Variants in CPED1 observed in about 807,000 individuals in gnomAD.
The protein encoded by CPED1 is cadherin like and PC-esterase domain containing 1, also known as cadherin-like and PC-esterase domain-containing protein 1.
In CPED1, 114 loss-of-function variants were observed where a neutral mutation model predicts 128.2. The ratio of observed to expected loss-of-function variants is 0.89; its 90% CI spans 0.76 to 1.04. The LOEUF is 1.04. CPED1 is among the 50% of genes least tolerant of loss of function. CPED1 has a pLI of 0.00. For synonymous variants in CPED1, 462 were observed against 426.7 expected, an observed-to-expected ratio of 1.08 and a Z score of -1.02; for missense variants, 1,211 against 1,207.1, an observed-to-expected ratio of 1.00 and a Z score of -0.05.
chr7:120,997,117 A>C (rs1796419654), intron 2 of CPED1, among the ~76,000 whole-genome samples: 1 of 152,236 alleles, frequency 6.6e-6, no homozygotes, highest in Non-Finnish European at 1.5e-5. Flanking sequence ...AGAAATCTTC[A>C]TGATCATTCT....
chr7:121,058,485 C>T (rs1793561006), intron 4 of CPED1, among the ~76,000 whole-genome samples: 1 of 152,178 alleles, frequency 6.6e-6, no homozygotes, highest in Admixed American at 6.5e-5. Context: ...CATCTCCTTA[C>T]TGCTTGCCAG....
intron 8 of CPED1, among the ~76,000 whole-genome samples, chr7:121,125,221 T>C (rs1456605812): frequency 6.6e-6 from 1 of 152,306 alleles, no homozygotes; most frequent in East Asian, 1.9e-4. Context: ...AATTAGTAGA[T>C]ATATTGAAAA....
chr7:121,293,837 C>G (rs1444910234), intron 22 of CPED1, among the ~76,000 whole-genome samples: 1 of 151,956 alleles, frequency 6.6e-6, no homozygotes, highest in African/African-American at 2.4e-5. Context: ...TGGGCTGCAC[C>G]CACTGTCTAA....
chr7:121,023,419 G>A (rs895791472), intron 3 of CPED1, among the ~76,000 whole-genome samples: 4 of 152,152 alleles, frequency 2.6e-5, no homozygotes, highest in African/African-American at 7.2e-5. Context: ...AGGAAGTTTG[G>A]TTGCAACAGA....
At chr7:121,130,735 T>A (rs532674190) in intron 12 of CPED1, among the ~76,000 whole-genome samples, 3 of 149,862 alleles carry the variant, frequency 2.0e-5, no homozygotes, top group Admixed American at 1.3e-4. Context: ...TGAATGTATA[T>A]ACATATGTTC....
intron 5 of CPED1, among the ~76,000 whole-genome samples, chr7:121,093,536 C>G (rs1794627385): frequency 6.6e-6 from 1 of 151,984 alleles, no homozygotes. Flanking sequence ...TCTATTTGCC[C>G]CTCAGATTCA....
intron 4 of CPED1, chr7:121,061,255 T>C (rs1793662313): frequency 2.3e-6 from 2 of 854,704 alleles, no homozygotes; most frequent in African/African-American, 1.8e-5. Context: ...TTTCAAAAAT[T>C]GATCTCATGG....
intron 3 of CPED1, among the ~76,000 whole-genome samples, chr7:121,036,902 AT>A (rs1171134910): frequency 6.6e-6 from 1 of 151,968 alleles, no homozygotes; most frequent in Non-Finnish European, 1.5e-5. Context: ...GATGTTGAGC[AT>A]TTTTTCATAT....
chr7:121,195,677 A>G (rs907436716), intron 16 of CPED1, among the ~76,000 whole-genome samples: 2 of 152,192 alleles, frequency 1.3e-5, no homozygotes, highest in Non-Finnish European at 2.9e-5. Flanking sequence ...TTACACACAT[A>G]TCTAAGAAAT....
chr7:121,075,274 G>A (rs979622895), intron 5 of CPED1, among the ~76,000 whole-genome samples: 6 of 152,100 alleles, frequency 3.9e-5, no homozygotes, highest in Non-Finnish European at 8.8e-5. Context: ...AGCATCACAA[G>A]TCATTTTAAG....
chr7:121,015,786 A>G lies in CPED1; in HGVS notation c.371A>G (p.Tyr124Cys). 6.2e-7 allele frequency: 1 copy of G among 1,604,262 alleles called. No individual in the cohort carries two copies. The highest frequency in any genetic ancestry group is 2.2e-5 in the East Asian group (1 of 44,460). The part of the protein sequence containing the change: ...LHQHILTQHG[Y>C]TVVIAEERLN... ...CAGCACATTCTGACTCAACATGGCTATACGGTTGTCATCGCTGAAGAAAGG... is the reference window on the plus strand; with the variant it reads ...CAGCACATTCTGACTCAACATGGCTGTACGGTTGTCATCGCTGAAGAAAGG... Residue 124 changes from tyrosine to cysteine, a missense_variant, in exon 3 of 23, where the codon TAT (tyrosine) becomes TGT (cysteine). Tyr to Cys is a radical substitution (Grantham distance 194). Coordinates refer to ENST00000310396, the MANE Select transcript of CPED1 (RefSeq NM_024913.5).
intron 22 of CPED1, among the ~76,000 whole-genome samples, chr7:121,283,618 C>G (rs534441759): frequency 3.9e-5 from 6 of 152,198 alleles, no homozygotes; most frequent in Non-Finnish European, 8.8e-5. Context: ...CATGTTGGAA[C>G]TGTAACTCTG....
At chr7:121,136,162 C>T (rs912737997) in intron 14 of CPED1, 72 bp downstream of exon 14, 1 of 1,407,654 alleles carries the variant, frequency 7.1e-7, no homozygotes, top group Non-Finnish European at 9.5e-7. Context: ...AAAAAAAATG[C>T]ATCATTTTAT....
chr7:121,026,549 T>C (rs1792588688), intron 3 of CPED1, among the ~76,000 whole-genome samples: 1 of 151,982 alleles, frequency 6.6e-6, no homozygotes, highest in South Asian at 2.1e-4. Context: ...CTCAGGCCTG[T>C]CCGCACATTC....
chr7:121,293,352 AC>A (rs889340470), intron 22 of CPED1, among the ~76,000 whole-genome samples: 24 of 151,948 alleles, frequency 1.6e-4, no homozygotes, highest in Non-Finnish European at 2.6e-4. Flanking sequence ...AGACACCCCT[AC>A]CCCCACCAAG....
intron 16 of CPED1, among the ~76,000 whole-genome samples, chr7:121,229,000 A>C (rs535122025): frequency 2.0e-5 from 3 of 152,040 alleles, no homozygotes; most frequent in African/African-American, 7.2e-5. Context: ...GTAAGGAGGG[A>C]GGATGAAGAC....
At chr7:121,281,122 CAGA>C (rs1013203535) in intron 22 of CPED1, among the ~76,000 whole-genome samples, 21 of 152,142 alleles carry the variant, frequency 1.4e-4, no homozygotes, top group African/African-American at 5.1e-4. Context: ...GGAACCACAT[CAGA>C]AGTTCTTTGT....
Position 121,064,227 on chromosome 7 carries a change from A to G in CPED1, c.541-11A>G. ...TGCCTCACTCACTAGAATCTTTTTC[A>G]TTCCTTTCAGGCAAACAGATTACCA... On this transcript the variant is annotated splice_polypyrimidine_tract_variant and intron_variant, in intron 4 of 22. Coordinates refer to ENST00000310396, the MANE Select transcript of CPED1 (RefSeq NM_024913.5). 1.3e-6 allele frequency: 2 copies of G among 1,583,118 alleles called. No homozygotes were observed. Among genetic ancestry groups the G allele is most frequent in the South Asian group, 1.1e-5 (1 of 90,560 alleles).
At chr7:121,005,690 C>T (rs1320700352) in intron 2 of CPED1, among the ~76,000 whole-genome samples, 9 of 151,898 alleles carry the variant, frequency 5.9e-5, no homozygotes, top group Admixed American at 5.9e-4. Context: ...GCTGTTATTC[C>T]CCATTTAAAA....
Sources: allele counts gnomAD v4.1 joint callset (sites outside exome capture counted in the v4.1 genomes callset), GRCh38; gene constraint gnomAD v4.1.1; transcripts MANE v1.5; gene names NCBI Gene and HGNC (gene_info 2026-07-23, HGNC 2026-07-21).